TMEM97: variants seen among roughly 807,000 people sequenced by gnomAD.
The protein encoded by TMEM97 is sigma intracellular receptor 2.
In TMEM97, 13 loss-of-function variants were observed where a neutral mutation model predicts 18.3. The ratio of observed to expected loss-of-function variants is 0.71; its 90% CI spans 0.46 to 1.13. The LOEUF (loss-of-function observed/expected upper bound fraction) is 1.13, where lower values mean the gene tolerates loss of function less well. Among genes scored for constraint, TMEM97 ranks in the 50% most tolerant of loss-of-function variants. The pLI is 0.00. For missense variants in TMEM97, 205 were observed against 210.5 expected (o/e 0.97, Z 0.16); for synonymous variants, 76 against 85.3 (o/e 0.89, Z 0.60).
chr17:28,325,480 A>G (rs1555575346), intron 1 of TMEM97, 23 bp from the exon 2 acceptor site: 2 of 1,611,956 alleles, frequency 1.2e-6, no homozygotes, highest in Non-Finnish European at 1.7e-6. Flanking sequence ...GCTGTAATTC[A>G]TCATGATCGT....
chr17:28,325,610 GC>G lies in TMEM97; in HGVS notation c.236del (p.Pro79LeufsTer30). On this transcript the variant is annotated frameshift_variant, in exon 2 of 3. Transcript: ENST00000226230. LOFTEE classifies it high-confidence loss of function. ...TGTTTTGCGAGCTTGTGTTTCAGCT[GC>G]CTTTCTTTCCCATTGCAACGTATGC... Reference protein sequence around the residue: ...FLFCELVFQLPFFPIATYAFL... With the variant: ...FLFCELVFQLXFFPIATYAFL... 3.1e-6 allele frequency: 5 copies of G among 1,614,232 alleles called. No homozygotes were observed. Among genetic ancestry groups the G allele is most frequent in the Non-Finnish European group, 4.2e-6 (5 of 1,180,034 alleles).
chr17:28,328,678 T>G lies in TMEM97; in HGVS notation c.*1885T>G, dbSNP rs782273317. 5 of 1,605,622 alleles carry G rather than the reference T, an allele frequency of 3.1e-6. No homozygotes were observed. In the South Asian group the frequency reaches 4.5e-5, roughly 14 times the overall value. ...CATTTCTGAAAAATAAATTGGTCAA[T>G]AAATTCATTTTGTTCTGCTTCTACT... On this transcript the variant is annotated 3_prime_UTR_variant, in exon 3 of 3. Coordinates refer to ENST00000226230, the MANE Select transcript of TMEM97 (RefSeq NM_014573.3).
At chr17:28,324,460 T>A (rs1018083585) in intron 1 of TMEM97, among the ~76,000 whole-genome samples, 17 of 152,236 alleles carry the variant, frequency 1.1e-4, no homozygotes, top group African/African-American at 4.1e-4. Flanking sequence ...TCTTGGATTT[T>A]CCATTGTAAG....
At chr17:28,323,730 G>A (rs1333870229) in intron 1 of TMEM97, among the ~76,000 whole-genome samples, 2 of 152,192 alleles carry the variant, frequency 1.3e-5, no homozygotes, top group South Asian at 4.1e-4. Flanking sequence ...CAGTCAGGCC[G>A]GGTGCAGTGG....
At chr17:28,324,485 A>T (rs1906261027) in intron 1 of TMEM97, among the ~76,000 whole-genome samples, 1 of 152,202 alleles carries the variant, frequency 6.6e-6, no homozygotes, top group African/African-American at 2.4e-5. Flanking sequence ...ATAAATTCTT[A>T]CCCTGGAGTT....
intron 1 of TMEM97, chr17:28,319,590 T>C (rs1906063394): frequency 2.1e-6 from 1 of 469,994 alleles, no homozygotes; most frequent in African/African-American, 2.0e-5. Flanking sequence ...CTTTGTTTCC[T>C]TTAAAGTCAC....
At chr17:28,319,615 TAAG>T (rs1189468156) in intron 1 of TMEM97, 3 of 398,012 alleles carry the variant, frequency 7.5e-6, no homozygotes, top group Non-Finnish European at 1.3e-5. Flanking sequence ...TCCCTGGGTT[TAAG>T]GTTTCCCGCG....
At chr17:28,323,901 G>A (rs1159769885) in intron 1 of TMEM97, among the ~76,000 whole-genome samples, 2 of 152,196 alleles carry the variant, frequency 1.3e-5, no homozygotes, top group Admixed American at 6.5e-5. Context: ...GGGAAGCTGA[G>A]GTGACAGAAT....
intron 1 of TMEM97, 52 bp downstream of exon 1, chr17:28,319,417 T>G: frequency 6.6e-7 from 1 of 1,519,640 alleles, no homozygotes; most frequent in African/African-American, 1.4e-5. Context: ...CGGCGCTGCG[T>G]CCACAGGGCC....
intron 1 of TMEM97, among the ~76,000 whole-genome samples, chr17:28,323,017 C>T (rs531020556): frequency 2.0e-5 from 3 of 152,328 alleles, no homozygotes; most frequent in African/African-American, 7.2e-5. Flanking sequence ...TTAAGTCACT[C>T]TCTTACCAAT....
rs1906429550 is a variant in TMEM97 at position 28,327,854 on chromosome 17, C to A, written c.*1061C>A. The A allele has an allele frequency of 6.6e-6, 1 of 152,202 alleles. No individual in the cohort carries two copies. Among genetic ancestry groups the A allele is most frequent in the African/African-American group, 2.4e-5 (1 of 41,440 alleles). The allele number at this position is 152,202 out of a possible 1,614,324, so 9.4% of individuals were successfully genotyped here. A position where few individuals can be genotyped will look rare whatever the true frequency, so the allele number is the denominator to read the frequency against. On this transcript the variant is annotated 3_prime_UTR_variant, in exon 3 of 3. Coordinates refer to ENST00000226230, the MANE Select transcript of TMEM97 (RefSeq NM_014573.3). Reference sequence around the variant, plus strand: ...TAGTCTTCCACATTTCTAGAGGCCACCTGACACAAGTCCCTGTATCTGAAG... The same window carrying A: ...TAGTCTTCCACATTTCTAGAGGCCAACTGACACAAGTCCCTGTATCTGAAG...
At chr17:28,323,068 G>A (rs1018071352) in intron 1 of TMEM97, among the ~76,000 whole-genome samples, 2 of 152,044 alleles carry the variant, frequency 1.3e-5, no homozygotes, top group African/African-American at 2.4e-5. Flanking sequence ...TTATTGATGG[G>A]GACACAAGTG....
chr17:28,327,765 C>T lies in TMEM97; in HGVS notation c.*972C>T, dbSNP rs1906421576. 1 of 152,202 alleles carries T rather than the reference C, an allele frequency of 6.6e-6. No homozygotes were observed. Among genetic ancestry groups the T allele is most frequent in the Non-Finnish European group, 1.5e-5 (1 of 68,032 alleles). 9.4% of individuals were successfully genotyped at this position (152,202 alleles called of 1,614,324 possible). On this transcript the variant is annotated 3_prime_UTR_variant, in exon 3 of 3. Coordinates refer to ENST00000226230, the MANE Select transcript of TMEM97 (RefSeq NM_014573.3). ...AAAATGTTTTTGTTTCTGTTGTAAACAGATCATCCTAGGCGAAAGTTTTTT... is the reference window on the plus strand; with the variant it reads ...AAAATGTTTTTGTTTCTGTTGTAAATAGATCATCCTAGGCGAAAGTTTTTT...
At chr17:28,319,935 C>G (rs1906079664) in intron 1 of TMEM97, among the ~76,000 whole-genome samples, 1 of 152,094 alleles carries the variant, frequency 6.6e-6, no homozygotes, top group African/African-American at 2.4e-5. Context: ...ATATTGGGTT[C>G]GAGTAACAAT....
chr17:28,326,717 T>A lies in TMEM97; in HGVS notation c.455T>A (p.Leu152His). 1 of 1,614,038 alleles carries A rather than the reference T, an allele frequency of 6.2e-7. No individual in the cohort carries two copies. Among genetic ancestry groups the A allele is most frequent in the Non-Finnish European group, 8.5e-7 (1 of 1,180,018 alleles). Residue 152 changes from leucine (L) to histidine (H), a missense_variant, in exon 3 of 3, where the codon CTC (leucine) becomes CAC (histidine). Physicochemically the swap from Leu to His is moderately conservative, Grantham distance 99. Coordinates refer to ENST00000226230, the MANE Select transcript of TMEM97 (RefSeq NM_014573.3). ...TLVSVYAPYL[L>H]IPFILLIFML... ...GTGTCTGTCTATGCCCCCTACTTACTCATCCCATTCATACTTTTAATTTTC... is the reference window on the plus strand; with the variant it reads ...GTGTCTGTCTATGCCCCCTACTTACACATCCCATTCATACTTTTAATTTTC...
chr17:28,326,147 C>T (rs1906324636), intron 2 of TMEM97, among the ~76,000 whole-genome samples: 1 of 152,194 alleles, frequency 6.6e-6, no homozygotes, highest in South Asian at 2.1e-4. Context: ...TGCTCGTTTC[C>T]CATTGGCACC....
Position 28,328,590 on chromosome 17 carries a change from TTTTTGG to T in TMEM97, c.*1803_*1808del. 1.9e-6 allele frequency: 2 copies of T among 1,071,594 alleles called. No individual in the cohort carries two copies. The highest frequency in any genetic ancestry group is 2.8e-6 in the Non-Finnish European group (2 of 717,870). 66.4% of individuals were successfully genotyped at this position (1,071,594 alleles called of 1,614,324 possible). ...AAGCCGCTGGAATGCTACAGAGGTT[TTTTTGG>T]TTTTGAGAGGCTTTTTTTTGTTTTG... On this transcript the variant is annotated 3_prime_UTR_variant, in exon 3 of 3. Transcript: ENST00000226230.
chr17:28,320,775 G>A (rs892413326), intron 1 of TMEM97, among the ~76,000 whole-genome samples: 2 of 152,168 alleles, frequency 1.3e-5, no homozygotes, highest in Non-Finnish European at 2.9e-5. Context: ...TCTGGTTCTT[G>A]CCTCTTCCAT....
At chr17:28,325,877 T>C (rs541899194) in intron 2 of TMEM97, 18 of 572,268 alleles carry the variant, frequency 3.1e-5, no homozygotes, top group Non-Finnish European at 4.6e-5. Context: ...GGAAATCCCT[T>C]GCATACACAT....
Sources: allele counts gnomAD v4.1 joint callset (sites outside exome capture counted in the v4.1 genomes callset), GRCh38; gene constraint gnomAD v4.1.1; transcripts MANE v1.5; gene names NCBI Gene and HGNC (gene_info 2026-07-23, HGNC 2026-07-21).